DMD: variants seen among roughly 807,000 people sequenced by gnomAD.
DMD encodes mutant dystrophin.
In DMD, 63 loss-of-function variants were observed where a neutral mutation model predicts 330.1. The ratio of observed to expected loss-of-function variants is 0.19; its 90% CI spans 0.16 to 0.24. The LOEUF is 0.24. Among genes scored for constraint, DMD ranks in the 10% least tolerant of loss-of-function variants. DMD has a pLI of 1.00. For synonymous variants in DMD, 1,223 were observed against 959.8 expected (o/e 1.27, Z -5.07); for missense variants, 3,344 against 2,684.1 (o/e 1.25, Z -5.43).
intron 17 of DMD, among the ~76,000 whole-genome samples, chrX:32,536,280 A>AAAC (rs1556769695): frequency 9.3e-6 from 1 of 108,044 alleles, no homozygotes; most frequent in Non-Finnish European, 1.9e-5. Context: ...AAAAAAAAAA[A>AAAC]AAAAAAAACA....
intron 70 of DMD, chrX:31,178,369 T>C: frequency 5.2e-6 from 5 of 960,385 alleles, no homozygotes; most frequent in Non-Finnish European, 2.6e-6. Flanking sequence ...AATCACTCAT[T>C]TGTAAACAGT....
rs2032326875 is a variant in DMD at position 31,120,877 on chromosome X, CAAT to C, written c.*1039_*1041del. 9.1e-6 allele frequency: 1 copy of C among 110,030 alleles called. No individual in the cohort carries two copies. The allele number at this position is 110,030 out of a possible 1,213,427, so 9.1% of individuals were successfully genotyped here. A position where few individuals can be genotyped will look rare whatever the true frequency, so the allele number is the denominator to read the frequency against. The stretch of plus-strand genomic sequence containing the variant: ...CAGGAAGCTGAATGTATCAATCAAT[CAAT>C]CAATCAACCAACCAACCGATTACTC... On this transcript the variant is annotated 3_prime_UTR_variant, in exon 79 of 79. Transcript: ENST00000357033.
At chrX:32,855,483 A>C (rs781344536) in intron 2 of DMD, among the ~76,000 whole-genome samples, 1 of 112,238 alleles carries the variant, frequency 8.9e-6, no homozygotes, top group African/African-American at 3.2e-5. Flanking sequence ...GACCAATGGA[A>C]CAGAATAGAG....
At position 32,364,588 on chromosome X, in the gene DMD, C is replaced by T. The variant is rs777471296; in HGVS notation, c.5148G>A (p.Val1716=). 5 of 1,210,742 alleles carry T rather than the reference C, an allele frequency of 4.1e-6. No homozygotes were observed. In the South Asian group the frequency reaches 8.8e-5, roughly 21 times the overall value. ...EKKKPQQKED[V]LKRLKAELND... ...TTCATATTTTATTTGCTACCTTAAG[C>T]ACGTCTTCTTTTTGCTGGGGTTTCT... The change falls in exon 36 of 79, where the codon GTG becomes GTA. Residue 1716 remains valine (V), a synonymous_variant. Coordinates refer to ENST00000357033, the MANE Select transcript of DMD (RefSeq NM_004006.3).
At chrX:33,136,974 A>G (rs2095531429) in intron 1 of DMD, among the ~76,000 whole-genome samples, 2 of 110,811 alleles carry the variant, frequency 1.8e-5, no homozygotes, top group Non-Finnish European at 3.8e-5. Context: ...ATAAATATAC[A>G]AGTTTAGTAT....
At chrX:31,846,275 G>A (rs746064420) in intron 48 of DMD, among the ~76,000 whole-genome samples, 7 of 110,704 alleles carry the variant, frequency 6.3e-5, no homozygotes, top group South Asian at 3.9e-4. Context: ...ATACTAGCTC[G>A]TGGTCCCCCA....
At chrX:31,941,138 G>A (rs1385718221) in intron 45 of DMD, among the ~76,000 whole-genome samples, 1 of 111,811 alleles carries the variant, frequency 8.9e-6, no homozygotes, top group African/African-American at 3.3e-5. Flanking sequence ...CAGGCTTCGG[G>A]AAAATCTGAG....
chrX:31,626,357 A>T (rs1170592611), intron 55 of DMD, among the ~76,000 whole-genome samples: 1 of 111,874 alleles, frequency 8.9e-6, no homozygotes, highest in Non-Finnish European at 1.9e-5. Flanking sequence ...ATAAAATTTT[A>T]TTTATGAAAT....
intron 44 of DMD, among the ~76,000 whole-genome samples, chrX:32,128,596 T>C (rs1180474456): frequency 8.9e-6 from 1 of 112,104 alleles, no homozygotes; most frequent in Non-Finnish European, 1.9e-5. Flanking sequence ...TTCAAAACTA[T>C]TGAGTTGCCT....
At chrX:32,155,037 T>C (rs1226717997) in intron 44 of DMD, among the ~76,000 whole-genome samples, 1 of 108,937 alleles carries the variant, frequency 9.2e-6, no homozygotes, top group African/African-American at 3.4e-5. Context: ...ACCTTACAGA[T>C]TTGGGCTACT....
chrX:32,764,467 C>T (rs1169891041), intron 7 of DMD, among the ~76,000 whole-genome samples: 1 of 111,169 alleles, frequency 9.0e-6, no homozygotes, highest in Non-Finnish European at 1.9e-5. Context: ...ACCTTCTCTC[C>T]CCCAGCTTCT....
chrX:33,022,367 A>T (rs2093930406), intron 1 of DMD, among the ~76,000 whole-genome samples: 1 of 110,946 alleles, frequency 9.0e-6, no homozygotes, highest in African/African-American at 3.3e-5. Flanking sequence ...GAAAACCTTG[A>T]CATTATGTGC....
chrX:31,228,189 T>C (rs1459958645), intron 63 of DMD, among the ~76,000 whole-genome samples: 1 of 103,183 alleles, frequency 9.7e-6, no homozygotes, highest in Non-Finnish European at 2.0e-5. Context: ...CGCACCAGCA[T>C]GGCACATGTA....
intron 7 of DMD, among the ~76,000 whole-genome samples, chrX:32,782,955 C>T (rs1198382239): frequency 2.1e-5 from 2 of 96,273 alleles, no homozygotes; most frequent in East Asian, 3.0e-4. Context: ...TATACACACA[C>T]ACATACACAC....
At chrX:31,314,126 C>T (rs948741982) in intron 62 of DMD, among the ~76,000 whole-genome samples, 15 of 112,073 alleles carry the variant, frequency 1.3e-4, no homozygotes, top group South Asian at 3.7e-4. Context: ...TGAGCCACCA[C>T]GCCCGACTGA....
intron 1 of DMD, among the ~76,000 whole-genome samples, chrX:33,124,379 C>T (rs1603314089): frequency 1.1e-5 from 1 of 89,966 alleles, no homozygotes; most frequent in Non-Finnish European, 2.1e-5. Flanking sequence ...GGGAGGCTGA[C>T]GCAGGAGAAT....
At chrX:33,144,389 A>G (rs1003907014) in intron 1 of DMD, among the ~76,000 whole-genome samples, 1 of 111,543 alleles carries the variant, frequency 9.0e-6, no homozygotes, top group African/African-American at 3.3e-5. Context: ...ATAGTTAACA[A>G]TAATTAATTG....
Position 31,421,906 on chromosome X carries a change from C to T in DMD, c.9084+22575G>A, listed in dbSNP as rs1422530911. On this transcript the variant is annotated intron_variant, in intron 60 of 78. Transcript: ENST00000357033. ...CTCTTTCTATATATATATATACACA[C>T]ACACACACATATATATATATATATA... Among the ~76,000 whole-genome samples, 98 of 62,949 alleles carry T rather than the reference C, an allele frequency of 1.6e-3. 3 individuals are homozygous for T. The highest frequency in any genetic ancestry group is 6.9e-3 in the Middle Eastern group (1 of 144). The allele number at this position is 62,949 out of a possible 115,157, so 54.7% of individuals were successfully genotyped here.
At chrX:31,751,228 G>A (rs888825212) in intron 51 of DMD, among the ~76,000 whole-genome samples, 13 of 110,703 alleles carry the variant, frequency 1.2e-4, no homozygotes, top group South Asian at 7.8e-4. Flanking sequence ...GAGGCATCAC[G>A]CTACCTGACT....
Sources: allele counts gnomAD v4.1 joint callset (sites outside exome capture counted in the v4.1 genomes callset), GRCh38; gene constraint gnomAD v4.1.1; transcripts MANE v1.5; gene names NCBI Gene and HGNC (gene_info 2026-07-23, HGNC 2026-07-21).